Variants in SUMF1 observed in about 807,000 individuals in gnomAD.
SUMF1 encodes formylglycine-generating enzyme.
A neutral mutation model predicts 47.6 loss-of-function variants in SUMF1; 48 were observed. The observed-to-expected ratio is 1.01, with a 90% confidence interval of 0.80 to 1.28. The LOEUF (loss-of-function observed/expected upper bound fraction) is 1.28. SUMF1 is among the 50% of genes most tolerant of loss of function. SUMF1 has a pLI of 0.00. For missense variants in SUMF1, 571 were observed against 485.4 expected (o/e 1.18, Z -1.66); for synonymous variants, 230 against 192.1 (o/e 1.20, Z -1.63).
At chr3:4,281,761 A>G (rs757965651) in intron 8 of SUMF1, among the ~76,000 whole-genome samples, 8 of 152,212 alleles carry the variant, frequency 5.3e-5, no homozygotes, top group Non-Finnish European at 1.2e-4. Flanking sequence ...CAATAAACCA[A>G]TAAAAGTTAT....
At chr3:4,187,178 T>G (rs1695217483) in intron 8 of SUMF1, among the ~76,000 whole-genome samples, 1 of 152,064 alleles carries the variant, frequency 6.6e-6, no homozygotes, top group South Asian at 2.1e-4. Context: ...GAGACCAGCC[T>G]GGGCAACAAA....
intron 7 of SUMF1, among the ~76,000 whole-genome samples, chr3:4,404,820 G>A (rs775667077): frequency 1.3e-5 from 2 of 151,976 alleles, no homozygotes; most frequent in Non-Finnish European, 2.9e-5. Context: ...TTATAGCAGC[G>A]AAAAATTCTC....
intron 8 of SUMF1, among the ~76,000 whole-genome samples, chr3:4,224,019 G>A (rs1308729063): frequency 6.6e-6 from 1 of 152,088 alleles, no homozygotes; most frequent in Non-Finnish European, 1.5e-5. Context: ...GAAGGAACAG[G>A]AGGGAAAAAG....
intron 8 of SUMF1, among the ~76,000 whole-genome samples, chr3:4,087,531 C>T (rs983463152): frequency 3.3e-5 from 5 of 152,106 alleles, no homozygotes; most frequent in African/African-American, 1.2e-4. Context: ...TCTGAGGATT[C>T]TTAAAAATTA....
chr3:4,166,056 G>T (rs1373079543), intron 8 of SUMF1, among the ~76,000 whole-genome samples: 1 of 152,066 alleles, frequency 6.6e-6, no homozygotes, highest in African/African-American at 2.4e-5. Context: ...ACCACAAAGA[G>T]GACCAATGAA....
chr3:4,434,584 G>A (rs539921784), intron 3 of SUMF1, among the ~76,000 whole-genome samples: 2 of 152,286 alleles, frequency 1.3e-5, no homozygotes, highest in South Asian at 2.1e-4. Flanking sequence ...TATGTGCTAG[G>A]TACTGTACCA....
intron 8 of SUMF1, among the ~76,000 whole-genome samples, chr3:4,120,711 G>A (rs1339876731): frequency 1.3e-5 from 2 of 152,040 alleles, no homozygotes; most frequent in African/African-American, 2.4e-5. Context: ...AGTGACTTAC[G>A]AGGTCACTCT....
intron 6 of SUMF1, among the ~76,000 whole-genome samples, chr3:4,413,194 T>C (rs1575190390): frequency 1.3e-5 from 2 of 151,968 alleles, no homozygotes; most frequent in East Asian, 1.9e-4. Context: ...TTTGTAGACA[T>C]GGGGTCTCCT....
chr3:4,209,820 A>G (rs981323494), intron 8 of SUMF1, among the ~76,000 whole-genome samples: 1 of 152,160 alleles, frequency 6.6e-6, no homozygotes, highest in Non-Finnish European at 1.5e-5. Flanking sequence ...TAAGATCACT[A>G]CGCTAAAGAC....
intron 8 of SUMF1, among the ~76,000 whole-genome samples, chr3:4,305,974 A>G (rs562797369): frequency 6.6e-6 from 1 of 152,342 alleles, no homozygotes; most frequent in African/African-American, 2.4e-5. Context: ...AAAAACACTG[A>G]TTTAAAAAAC....
chr3:4,174,614 T>A (rs1694916751), intron 8 of SUMF1, among the ~76,000 whole-genome samples: 1 of 152,022 alleles, frequency 6.6e-6, no homozygotes, highest in Non-Finnish European at 1.5e-5. Context: ...GCTCCCAGCA[T>A]GATCAACGCA....
chr3:4,460,524 T>C (rs1285986432), intron 1 of SUMF1, among the ~76,000 whole-genome samples: 1 of 151,784 alleles, frequency 6.6e-6, no homozygotes, highest in African/African-American at 2.4e-5. Context: ...AATATTGTCA[T>C]GGTTCAAGGA....
chr3:4,166,770 G>C (rs62259309), intron 8 of SUMF1, among the ~76,000 whole-genome samples: 1 of 152,034 alleles, frequency 6.6e-6, no homozygotes, highest in Non-Finnish European at 1.5e-5. Context: ...TTTTTTTCGG[G>C]ACCCGAGAGC....
chr3:4,395,915 A>C (rs2124950220), intron 7 of SUMF1, among the ~76,000 whole-genome samples: 1 of 152,334 alleles, frequency 6.6e-6, no homozygotes, highest in Non-Finnish European at 1.5e-5. Flanking sequence ...TACCAAGCAC[A>C]TTACAGTTGG....
intron 8 of SUMF1, among the ~76,000 whole-genome samples, chr3:4,078,205 C>A (rs1306409045): frequency 2.0e-5 from 3 of 152,060 alleles, no homozygotes; most frequent in African/African-American, 7.3e-5. Context: ...GGCATACAAG[C>A]TGAATCTATG....
intron 8 of SUMF1, among the ~76,000 whole-genome samples, chr3:4,145,568 T>C (rs1694174688): frequency 6.6e-6 from 1 of 152,166 alleles, no homozygotes; most frequent in Non-Finnish European, 1.5e-5. Context: ...TCTCAATCCA[T>C]ACATATATTG....
intron 7 of SUMF1, among the ~76,000 whole-genome samples, chr3:4,379,411 T>C (rs1700428383): frequency 6.6e-6 from 1 of 151,732 alleles, no homozygotes; most frequent in Non-Finnish European, 1.5e-5. Flanking sequence ...GGGACTGGAG[T>C]GAGGCGGCTA....
chr3:4,147,342 G>A, intron 8 of SUMF1, among the ~76,000 whole-genome samples: 1 of 152,110 alleles, frequency 6.6e-6, no homozygotes, highest in Non-Finnish European at 1.5e-5. Context: ...TATAAAACAT[G>A]CTGCTATAAA....
chr3:4,465,513 T>G (rs1364370935), intron 1 of SUMF1, among the ~76,000 whole-genome samples: 1 of 149,700 alleles, frequency 6.7e-6, no homozygotes, highest in Non-Finnish European at 1.5e-5. Context: ...GAAAGAGAGA[T>G]TGATTATCAA....
Sources: gnomAD v4.1 joint callset for allele counts (sites outside exome capture counted in the v4.1 genomes callset) on GRCh38, gnomAD v4.1.1 for gene constraint, MANE v1.5 for transcripts, NCBI Gene and HGNC (gene_info 2026-07-23, HGNC 2026-07-21) for gene names.